Variants in WASHC5 observed in about 807,000 individuals in gnomAD.
WASHC5 encodes the protein WASH complex subunit strumpellin.
A neutral mutation model predicts 150.4 loss-of-function variants in WASHC5; 101 were observed. The ratio of observed to expected loss-of-function variants is 0.67; its 90% CI spans 0.57 to 0.79. The LOEUF (loss-of-function observed/expected upper bound fraction) is 0.79. Among genes scored for constraint, WASHC5 ranks in the 30% least tolerant of loss-of-function variants. The pLI is 0.00. For synonymous variants in WASHC5, 467 were observed against 491.2 expected (o/e 0.95, Z 0.65); for missense variants, 1,195 against 1,396.3 (o/e 0.86, Z 2.30).
rs746336406 is a variant in WASHC5, at chr8:125,024,620, C to G, written c.3477G>C (p.Leu1159=). 1.2e-6 allele frequency: 2 copies of G among 1,603,840 alleles called. No homozygotes were observed. Among genetic ancestry groups the G allele is most frequent in the Middle Eastern group, 3.3e-4 (2 of 6,034 alleles). ...ATTGAAGAAGTAGGAAAAACAGTTA[C>G]AGCACTGTTCTGAACTCATCAAAAA... The part of the protein sequence containing the change: ...NFIFDEFRTV[L] Residue 1159 remains leucine, a synonymous_variant, in exon 29 of 29, where the codon CTG becomes CTC. Transcript: ENST00000318410.
chr8:125,024,942 T>C (rs1815333983), intron 28 of WASHC5, among the ~76,000 whole-genome samples: 1 of 152,058 alleles, frequency 6.6e-6, no homozygotes, highest in Non-Finnish European at 1.5e-5. Context: ...GGTACCTTGA[T>C]CTGCGAGGAA....
intron 3 of WASHC5, chr8:125,082,833 C>G: frequency 2.7e-6 from 1 of 368,076 alleles, no homozygotes; most frequent in Non-Finnish European, 4.9e-6. Flanking sequence ...CCACTTTTCA[C>G]ATATAATACA....
intron 18 of WASHC5, among the ~76,000 whole-genome samples, chr8:125,049,555 T>TCAATCAGTCAATAGTACAGCAGC (rs1459355733): frequency 1.3e-5 from 2 of 150,316 alleles, no homozygotes; most frequent in East Asian, 3.9e-4. Flanking sequence ...AGACTTAATC[T>TCAATCAGTCAATAGTACAGCAGC]TAAAAAAATA....
chr8:125,045,591 C>T (rs891425043), intron 20 of WASHC5, among the ~76,000 whole-genome samples: 2 of 152,186 alleles, frequency 1.3e-5, no homozygotes, highest in Non-Finnish European at 2.9e-5. Context: ...CCACAGATGA[C>T]ATATCCTATT....
intron 20 of WASHC5, among the ~76,000 whole-genome samples, chr8:125,046,948 T>G (rs1816084961): frequency 6.6e-6 from 1 of 152,176 alleles, no homozygotes; most frequent in Non-Finnish European, 1.5e-5. Context: ...AGGCCACTGA[T>G]CTGACAGGAA....
intron 11 of WASHC5, 69 bp downstream of exon 11, chr8:125,063,453 A>G: frequency 6.6e-7 from 1 of 1,525,314 alleles, no homozygotes; most frequent in Non-Finnish European, 9.1e-7. Context: ...TTAACCTGCC[A>G]GTTTCCAAGG....
chr8:125,024,811 A>T, intron 28 of WASHC5, 138 bp from the exon 29 acceptor site: 1 of 665,650 alleles, frequency 1.5e-6, no homozygotes, highest in Non-Finnish European at 2.7e-6. Flanking sequence ...GACTCCTTGA[A>T]ACAGCCCCTT....
chr8:125,061,783 T>C (rs1467168533), intron 11 of WASHC5, among the ~76,000 whole-genome samples: 1 of 152,180 alleles, frequency 6.6e-6, no homozygotes, highest in Non-Finnish European at 1.5e-5. Flanking sequence ...GTCCACATGC[T>C]CTGATTACCC....
At chr8:125,076,712 G>C (rs2130180539) in intron 6 of WASHC5, among the ~76,000 whole-genome samples, 1 of 142,406 alleles carries the variant, frequency 7.0e-6, no homozygotes, top group South Asian at 2.2e-4. Flanking sequence ...TCTTCTTCCA[G>C]CCCTTGACCG....
intron 23 of WASHC5, 85 bp downstream of exon 23, chr8:125,043,740 G>C (rs1815963582): frequency 1.1e-6 from 1 of 905,054 alleles, no homozygotes; most frequent in Admixed American, 2.0e-5. Context: ...AAGAAGAGTA[G>C]CTTTTTTTGG....
At chr8:125,037,864 C>T (rs541347637) in intron 25 of WASHC5, among the ~76,000 whole-genome samples, 1 of 152,256 alleles carries the variant, frequency 6.6e-6, no homozygotes, top group African/African-American at 2.4e-5. Context: ...AGCAGTCTCC[C>T]AGATGTCACG....
chr8:125,089,171 G>T (rs75622557), intron 1 of WASHC5, among the ~76,000 whole-genome samples: 32 of 152,236 alleles, frequency 2.1e-4, no homozygotes, highest in African/African-American at 7.7e-4. Flanking sequence ...CATGGATATG[G>T]TCTGGCTTGG....
At position 125,087,575 on chromosome 8, in the gene WASHC5, A is replaced by G. The variant is rs79121475; in HGVS notation, c.-124-3553T>C. Among the ~76,000 whole-genome samples, 691 of 152,168 alleles carry G rather than the reference A, an allele frequency of 4.5e-3. 3 individuals carry two copies. Among genetic ancestry groups the G allele is most frequent in the Non-Finnish European group, 8.1e-3 (552 of 67,986 alleles). ...CGAGACCTTGTCTCTACTAAAAATC[A>G]AAAGAATATCAGTCAGGTATGGTGG... On this transcript the variant is annotated intron_variant, in intron 1 of 28. Coordinates refer to ENST00000318410, the MANE Select transcript of WASHC5 (RefSeq NM_014846.4).
At chr8:125,049,333 A>G (rs1211319321) in intron 18 of WASHC5, 148 bp from the exon 19 acceptor site, 3 of 824,160 alleles carry the variant, frequency 3.6e-6, no homozygotes, top group Admixed American at 2.0e-5. Context: ...CTTAGGCAGG[A>G]AGATCACTTG....
intron 16 of WASHC5, 87 bp downstream of exon 16, chr8:125,056,590 C>A: frequency 6.6e-7 from 1 of 1,509,380 alleles, no homozygotes; most frequent in Non-Finnish European, 9.2e-7. Context: ...TGGTGGTCCC[C>A]AGAATATGGC....
At chr8:125,052,920 C>T (rs1432166874) in intron 17 of WASHC5, among the ~76,000 whole-genome samples, 1 of 152,158 alleles carries the variant, frequency 6.6e-6, no homozygotes, top group Non-Finnish European at 1.5e-5. Context: ...GCTTACCCTA[C>T]TTCAAATGTG....
chr8:125,072,599 C>G (rs976196263), intron 9 of WASHC5, among the ~76,000 whole-genome samples: 1 of 152,032 alleles, frequency 6.6e-6, no homozygotes, highest in African/African-American at 2.4e-5. Flanking sequence ...GTTCTGAACT[C>G]CTGGGCTCAA....
intron 1 of WASHC5, among the ~76,000 whole-genome samples, chr8:125,086,344 A>G (rs760236368): frequency 7.2e-5 from 11 of 152,060 alleles, no homozygotes; most frequent in Non-Finnish European, 1.5e-4. Flanking sequence ...CTCACTATGT[A>G]GCCCAGGGGA....
chr8:125,090,973 C>CAGTAA (rs1817604084), intron 1 of WASHC5, among the ~76,000 whole-genome samples: 1 of 152,180 alleles, frequency 6.6e-6, no homozygotes, highest in African/African-American at 2.4e-5. Context: ...TGCACAAAGA[C>CAGTAA]AGTAAAACTT....
Sources: allele counts gnomAD v4.1 joint callset (sites outside exome capture counted in the v4.1 genomes callset), GRCh38; gene constraint gnomAD v4.1.1; transcripts MANE v1.5; gene names NCBI Gene and HGNC (gene_info 2026-07-23, HGNC 2026-07-21).